Variants in SNF8 observed in about 807,000 individuals in gnomAD.
SNF8 encodes SNF8 subunit of ESCRT-II.
A neutral mutation model predicts 36.8 loss-of-function variants in SNF8; 19 were observed. That is an observed-to-expected ratio of 0.52 (90% CI 0.36 to 0.76). The LOEUF is 0.76. Among genes scored for constraint, SNF8 ranks in the 30% least tolerant of loss-of-function variants. The pLI is 0.00. For missense variants in SNF8, 268 were observed against 322.9 expected, an observed-to-expected ratio of 0.83 and a Z score of 1.30; for synonymous variants, 127 against 127.4, an observed-to-expected ratio of 1.00 and a Z score of 0.02.
At chr17:48,937,402 T>C (rs753549318) in intron 3 of SNF8, 2 of 498,946 alleles carry the variant, frequency 4.0e-6, no homozygotes, top group Non-Finnish European at 3.8e-6. Context: ...TCGAGCTAGG[T>C]GGATCGCTCG....
rs1408096727 is a variant in SNF8 at position 48,940,785 on chromosome 17, GT to G, written c.244+138del. 3.0e-6 allele frequency: 3 copies of G among 1,007,532 alleles called. No individual in the cohort carries two copies. The Admixed American group carries it at 6.9e-5, about 23-fold the overall frequency. The allele number at this position is 1,007,532 out of a possible 1,614,324, so 62.4% of individuals were successfully genotyped here. ...AGCCTGGGCGACAGAGCAAAACTCC[GT>G]CTCAAAAAGACAGCATCCTCTGGGT... On this transcript the variant is annotated intron_variant, in intron 3 of 7. Coordinates refer to ENST00000502492, the MANE Select transcript of SNF8 (RefSeq NM_007241.4).
intron 3 of SNF8, among the ~76,000 whole-genome samples, chr17:48,938,271 C>T (rs146755471): frequency 0.034 from 5,151 of 151,684 alleles, 168 homozygotes; most frequent in African/African-American, 0.087. Flanking sequence ...CAGAGGCAGG[C>T]GGATCACCTG....
chr17:48,943,434 C>A (rs1056342370), intron 2 of SNF8, among the ~76,000 whole-genome samples: 2 of 152,096 alleles, frequency 1.3e-5, no homozygotes, highest in African/African-American at 2.4e-5. Flanking sequence ...CATGGAGAAA[C>A]CCGTCTCTAC....
chr17:48,940,498 A>AC (rs2041003501), intron 3 of SNF8, among the ~76,000 whole-genome samples: 1 of 151,716 alleles, frequency 6.6e-6, no homozygotes, highest in Non-Finnish European at 1.5e-5. Flanking sequence ...CTCCCTAAAG[A>AC]CGACACCCTT....
intron 6 of SNF8, chr17:48,931,933 A>G: frequency 2.3e-6 from 1 of 433,442 alleles, no homozygotes; most frequent in South Asian, 3.4e-5. Flanking sequence ...AAACTGGGGT[A>G]CCGGCCAGGC....
Position 48,931,689 on chromosome 17 carries a change from A to G in SNF8, c.593T>C (p.Ile198Thr), listed in dbSNP as rs757715483. 6.2e-7 allele frequency: 1 copy of G among 1,613,402 alleles called. No homozygotes were observed. The highest frequency in any genetic ancestry group is 8.5e-7 in the Non-Finnish European group (1 of 1,179,716). ...EKNGYVTVSE[I>T]KASLKWETER... Reference sequence around the variant, plus strand: ...GGTCTCCCATTTAAGACTGGCTTTGATCTCACTGACAGTCACGTAGCCATT... The same window carrying G: ...GGTCTCCCATTTAAGACTGGCTTTGGTCTCACTGACAGTCACGTAGCCATT... The change falls in exon 7 of 8, where the codon ATC becomes ACC. Residue 198 changes from isoleucine to threonine, a missense_variant. Physicochemically the swap from Ile to Thr is moderately conservative, Grantham distance 89. Coordinates refer to ENST00000502492, the MANE Select transcript of SNF8 (RefSeq NM_007241.4).
Position 48,930,504 on chromosome 17 carries a change from C to T in SNF8, c.748G>A (p.Ala250Thr). 2 of 1,611,124 alleles carry T rather than the reference C, an allele frequency of 1.2e-6. No homozygotes were observed. Among genetic ancestry groups the T allele is most frequent in the South Asian group, 1.1e-5 (1 of 90,652 alleles). ...GGGAGGGCTTCTCTGGCCTCCTCAG[C>T]TGTAATCTCCTGGGAGTAGAGGTCA... ...FTDLYSQEIT[A>T]EEAREALP Residue 250 changes from alanine to threonine, a missense_variant, in exon 8 of 8, where the codon GCT (alanine) becomes ACT (threonine). By Grantham distance (58) the Ala-to-Thr change is moderately conservative. Transcript: ENST00000502492.
rs781012877 is a variant in SNF8 at position 48,944,773 on chromosome 17, C to T, written c.-39G>A. 1.9e-6 allele frequency: 3 copies of T among 1,577,998 alleles called. No individual in the cohort carries two copies. The highest frequency in any genetic ancestry group is 2.4e-5 in the East Asian group (1 of 41,860). On this transcript the variant is annotated 5_prime_UTR_variant, in exon 1 of 8. Coordinates refer to ENST00000502492, the MANE Select transcript of SNF8 (RefSeq NM_007241.4). ...CCGCGGGCCGCCCGGCTGCCGGGACCCCGGGTCTCCACGTCCCGGACTCCG... is the reference window on the plus strand; with the variant it reads ...CCGCGGGCCGCCCGGCTGCCGGGACTCCGGGTCTCCACGTCCCGGACTCCG...
intron 5 of SNF8, among the ~76,000 whole-genome samples, chr17:48,934,797 C>T (rs2040911223): frequency 6.6e-6 from 1 of 152,082 alleles, no homozygotes; most frequent in Non-Finnish European, 1.5e-5. Context: ...TCAAGCGATC[C>T]TCCCACCTCA....
chr17:48,935,459 G>A (rs1167962655), intron 5 of SNF8, among the ~76,000 whole-genome samples: 3 of 149,452 alleles, frequency 2.0e-5, no homozygotes, highest in Non-Finnish European at 4.4e-5. Context: ...CTTGCAGTGA[G>A]CAGAGATCAC....
chr17:48,943,475 G>C (rs906764273), intron 2 of SNF8, among the ~76,000 whole-genome samples: 4 of 152,124 alleles, frequency 2.6e-5, no homozygotes, highest in Admixed American at 6.6e-5. Flanking sequence ...AGGCGTGGTG[G>C]CGCATGTCTG....
At chr17:48,933,428 A>G in intron 5 of SNF8, 82 bp from the exon 6 acceptor site, 2 of 1,498,448 alleles carry the variant, frequency 1.3e-6, no homozygotes, top group Non-Finnish European at 1.8e-6. Context: ...TGGGCAGGAT[A>G]CTGACAGAAA....
rs2040828070 is a variant in SNF8, at chr17:48,929,657, G to T, written c.*818C>A. On this transcript the variant is annotated 3_prime_UTR_variant, in exon 8 of 8. Transcript: ENST00000502492. ...CTATGCAGTGATACATGAAGGCATG[G>T]GCTCGGGTTAATAGGCCTAGGCACC... 1 of 152,200 alleles carries T rather than the reference G, an allele frequency of 6.6e-6. No individual in the cohort carries two copies. Among genetic ancestry groups the T allele is most frequent in the South Asian group, 2.1e-4 (1 of 4,826 alleles). The allele number at this position is 152,200 out of a possible 1,614,324, so 9.4% of individuals were successfully genotyped here. A position where few individuals can be genotyped will look rare whatever the true frequency, so the allele number is the denominator to read the frequency against.
rs565416647 is a variant in SNF8 at position 48,941,519 on chromosome 17, G to A, written c.106-457C>T. Among the ~76,000 whole-genome samples, 5 of 152,044 alleles carry A rather than the reference G, an allele frequency of 3.3e-5. No homozygotes were observed. In the East Asian group the frequency reaches 9.7e-4, roughly 29 times the overall value. ...TAGAAAATCTTTACCCCCCCCAGCC[G>A]ACAGAAAGGCTGGATGGGAAAAAGT... On this transcript the variant is annotated intron_variant, in intron 2 of 7. Coordinates refer to ENST00000502492, the MANE Select transcript of SNF8 (RefSeq NM_007241.4).
At position 48,944,760 on chromosome 17, in the gene SNF8, C is replaced by T. The variant is rs778824811; in HGVS notation, c.-26G>A. On this transcript the variant is annotated 5_prime_UTR_variant, in exon 1 of 8. Transcript: ENST00000502492. ...CCCCACCCTGGGCCCGCGGGCCGCC[C>T]GGCTGCCGGGACCCCGGGTCTCCAC... is the stretch of plus-strand genomic sequence containing the variant. 1.9e-6 allele frequency: 3 copies of T among 1,588,744 alleles called. No individual in the cohort carries two copies. The highest frequency in any genetic ancestry group is 1.7e-5 in the Admixed American group (1 of 57,642).
chr17:48,930,584 C>G lies in SNF8; in HGVS notation c.668G>C (p.Trp223Ser), dbSNP rs2040843404. ...CTCCCCTGGGGCCTGTAAGTCCAGC[C>G]ACGCCAACCCTTCCTTCAGCAGGTG... ...LEHLLKEGLA[W>S]LDLQAPGEAH... The change falls in exon 8 of 8, where the codon TGG (tryptophan) becomes TCG (serine). Residue 223 changes from tryptophan to serine, a missense_variant. Coordinates refer to ENST00000502492, the MANE Select transcript of SNF8 (RefSeq NM_007241.4). 1.2e-6 allele frequency: 2 copies of G among 1,613,902 alleles called. No individual in the cohort carries two copies. The highest frequency in any genetic ancestry group is 1.7e-6 in the Non-Finnish European group (2 of 1,179,932).
chr17:48,936,137 C>T, intron 5 of SNF8, 33 bp downstream of exon 5: 9 of 1,540,580 alleles, frequency 5.8e-6, no homozygotes, highest in Non-Finnish European at 8.1e-6. Context: ...AGACCTCTTT[C>T]TGTACTCCAA....
At position 48,943,817 on chromosome 17, in the gene SNF8, A is replaced by C; in HGVS notation, c.105+108T>G. On this transcript the variant is annotated intron_variant, in intron 2 of 7. Transcript: ENST00000502492. ...AGCGGCTCAGAAATCAAAATTTGCC[A>C]AACACCCTATTTCTAGTTCAATCTA... 3 of 991,958 alleles carry C rather than the reference A, an allele frequency of 3.0e-6. 1 individual carries two copies. In the South Asian group the frequency reaches 3.9e-5, roughly 13 times the overall value. 61.4% of individuals were successfully genotyped at this position (991,958 alleles called of 1,614,324 possible).
At chr17:48,944,188 G>C (rs1054561222) in intron 1 of SNF8, 1 of 499,804 alleles carries the variant, frequency 2.0e-6, no homozygotes, top group Middle Eastern at 5.6e-4. Context: ...TGTAGTCCCA[G>C]CTACTCAGGA....
Sources: gnomAD v4.1 joint callset for allele counts (sites outside exome capture counted in the v4.1 genomes callset) on GRCh38, gnomAD v4.1.1 for gene constraint, MANE v1.5 for transcripts, NCBI Gene and HGNC (gene_info 2026-07-23, HGNC 2026-07-21) for gene names.